The following SLC24A2 variants were observed in gnomAD, a reference collection of about 807,000 sequenced individuals.
The protein encoded by SLC24A2 is solute carrier family 24 member 2.
In SLC24A2, 36 loss-of-function variants were observed where a neutral mutation model predicts 62.0. The observed-to-expected ratio is 0.58, with a 90% CI of 0.44 to 0.77. The LOEUF is 0.77. Ranked by LOEUF, SLC24A2 falls within the 30% of genes least tolerant of loss-of-function variation. SLC24A2 has a pLI of 0.00. For missense variants in SLC24A2, 846 were observed against 817.9 expected (o/e 1.03, Z -0.42); for synonymous variants, 358 against 294.0 (o/e 1.22, Z -2.23).
chr9:19,659,271 G>T (rs1386890589), intron 2 of SLC24A2, among the ~76,000 whole-genome samples: 1 of 152,146 alleles, frequency 6.6e-6, no homozygotes, highest in East Asian at 1.9e-4. Flanking sequence ...AGGAAGGATT[G>T]ATTCCCTTAC....
chr9:19,583,076 G>A (rs754340382), intron 5 of SLC24A2, among the ~76,000 whole-genome samples: 1 of 152,138 alleles, frequency 6.6e-6, no homozygotes. Context: ...AAATCCTGCA[G>A]TGGGTCCCTA....
the SLC24A2 span, among the ~76,000 whole-genome samples, chr9:20,020,847 A>T: frequency 4.9e-4 from 75 of 152,338 alleles, no homozygotes; most frequent in African/African-American, 1.7e-3. Flanking sequence ...AATTTAGGAA[A>T]GTCAAAGGAA....
the SLC24A2 span, among the ~76,000 whole-genome samples, chr9:20,204,746 T>TG: frequency 6.6e-6 from 1 of 150,392 alleles, no homozygotes. Flanking sequence ...GTATAACTTT[T>TG]TTTTTTTTTT....
the SLC24A2 span, among the ~76,000 whole-genome samples, chr9:19,883,709 G>C: frequency 6.6e-6 from 1 of 152,064 alleles, no homozygotes; most frequent in Non-Finnish European, 1.5e-5. Context: ...GGGACTACAG[G>C]TGCCCGCCAC....
rs1467962197 is a variant in SLC24A2 at position 19,525,831 on chromosome 9, T to G, written c.1569+2218A>C. On this transcript the variant is annotated intron_variant, in intron 9 of 10. Coordinates refer to ENST00000341998, the MANE Select transcript of SLC24A2 (RefSeq NM_020344.4). ...TGTGAAGTGATATCTTGGATTAGTT[T>G]CAAACAAGTTTATTGAGATGTAATT... 9.3e-5 allele frequency among the ~76,000 whole-genome samples: 14 copies of G among 150,848 alleles called. No homozygotes were observed. In the Admixed American group the frequency reaches 9.3e-4, roughly 10 times the overall value.
At chr9:19,676,001 A>G (rs1352298080) in intron 2 of SLC24A2, among the ~76,000 whole-genome samples, 1 of 152,178 alleles carries the variant, frequency 6.6e-6, no homozygotes, top group Non-Finnish European at 1.5e-5. Flanking sequence ...CTCTGAGACA[A>G]ACTAAGAAAT....
At chr9:20,090,203 C>G in the SLC24A2 span, among the ~76,000 whole-genome samples, 11 of 152,288 alleles carry the variant, frequency 7.2e-5, no homozygotes, top group African/African-American at 2.2e-4. Flanking sequence ...CACAGAGCCC[C>G]CATCCAGGGC....
chr9:19,577,059 GAGAA>G (rs756745174), intron 5 of SLC24A2, 37 bp from the exon 6 acceptor site: 1 of 1,538,048 alleles, frequency 6.5e-7, no homozygotes. Flanking sequence ...GAGACACAAT[GAGAA>G]AGAAGAGAGT....
At chr9:19,521,517 T>G (rs1257666035) in intron 9 of SLC24A2, among the ~76,000 whole-genome samples, 1 of 152,210 alleles carries the variant, frequency 6.6e-6, no homozygotes, top group Non-Finnish European at 1.5e-5. Flanking sequence ...TCCTAGTGTC[T>G]ATAATCTATT....
chr9:20,087,467 C>A, the SLC24A2 span, among the ~76,000 whole-genome samples: 2 of 152,152 alleles, frequency 1.3e-5, no homozygotes, highest in Non-Finnish European at 2.9e-5. Context: ...AAATTAGACT[C>A]ACCACTCAAG....
At chr9:19,519,161 T>C (rs757753743) in intron 10 of SLC24A2, among the ~76,000 whole-genome samples, 11 of 152,172 alleles carry the variant, frequency 7.2e-5, no homozygotes, top group Non-Finnish European at 5.9e-5. Context: ...ATTTACTAAT[T>C]TATTCATAGA....
intron 4 of SLC24A2, among the ~76,000 whole-genome samples, chr9:19,618,863 G>A (rs1035458710): frequency 1.3e-5 from 2 of 152,132 alleles, no homozygotes; most frequent in Non-Finnish European, 2.9e-5. Context: ...TGACACATCC[G>A]ATATCTATCA....
At chr9:19,828,313 T>C in the SLC24A2 span, among the ~76,000 whole-genome samples, 1 of 152,130 alleles carries the variant, frequency 6.6e-6, no homozygotes. Flanking sequence ...AAAGAAATGG[T>C]ACATGATTAA....
At chr9:20,236,774 C>T in the SLC24A2 span, among the ~76,000 whole-genome samples, 35 of 152,104 alleles carry the variant, frequency 2.3e-4, no homozygotes, top group Admixed American at 4.6e-4. Context: ...TTTTCACCTG[C>T]GGCGGGTGGA....
the SLC24A2 span, among the ~76,000 whole-genome samples, chr9:20,189,468 A>AT: frequency 6.6e-6 from 1 of 152,096 alleles, no homozygotes; most frequent in Non-Finnish European, 1.5e-5. Flanking sequence ...TAAGAACTTT[A>AT]TTTTTTTGTT....
intron 2 of SLC24A2, among the ~76,000 whole-genome samples, chr9:19,693,745 G>A (rs180763519): frequency 2.0e-5 from 3 of 152,054 alleles, no homozygotes; most frequent in Admixed American, 2.0e-4. Flanking sequence ...GGGAAAAGAT[G>A]AGTTTGATTT....
chr9:19,896,224 G>A, the SLC24A2 span, among the ~76,000 whole-genome samples: 1 of 152,220 alleles, frequency 6.6e-6, no homozygotes, highest in Non-Finnish European at 1.5e-5. Flanking sequence ...ATTGCCAAGT[G>A]TGTTCCTGTG....
chr9:20,290,115 A>T, the SLC24A2 span, among the ~76,000 whole-genome samples: 2 of 152,140 alleles, frequency 1.3e-5, no homozygotes, highest in Admixed American at 1.3e-4. Context: ...CCACTTCCCC[A>T]GCTCGGCAGA....
intron 9 of SLC24A2, among the ~76,000 whole-genome samples, chr9:19,526,752 T>C (rs771512470): frequency 2.6e-5 from 4 of 152,198 alleles, no homozygotes; most frequent in Non-Finnish European, 5.9e-5. Flanking sequence ...AAGTGCTTTA[T>C]CAGATATATA....
Sources: allele counts gnomAD v4.1 joint callset (sites outside exome capture counted in the v4.1 genomes callset), GRCh38; gene constraint gnomAD v4.1.1; transcripts MANE v1.5; gene names NCBI Gene and HGNC (gene_info 2026-07-23, HGNC 2026-07-21).